RBFOX1: variants seen among roughly 807,000 people sequenced by gnomAD.
RBFOX1 encodes RNA binding protein fox-1 homolog 1.
A neutral mutation model predicts 57.7 loss-of-function variants in RBFOX1; 8 were observed. That is an observed-to-expected ratio of 0.14 (90% CI 0.08 to 0.25). The LOEUF (loss-of-function observed/expected upper bound fraction) is 0.25, where lower values mean the gene tolerates loss of function less well. RBFOX1 is among the 10% of genes least tolerant of loss of function. RBFOX1 has a pLI of 1.00. For synonymous variants in RBFOX1, 326 were observed against 222.4 expected, an observed-to-expected ratio of 1.47 and a Z score of -4.15; for missense variants, 611 against 548.5, an observed-to-expected ratio of 1.11 and a Z score of -1.14.
intron 2 of RBFOX1, among the ~76,000 whole-genome samples, chr16:6,604,149 T>C (rs1168593832): frequency 6.6e-6 from 1 of 151,990 alleles, no homozygotes. Context: ...TCCCCTCGCC[T>C]TGGCAGTCCA....
chr16:7,364,575 C>CAAAAAAAAAAAAAAAA (rs1183081362), intron 4 of RBFOX1, among the ~76,000 whole-genome samples: 1 of 52,504 alleles, frequency 1.9e-5, no homozygotes, highest in Non-Finnish European at 4.1e-5. Context: ...TCAAGAAGAC[C>CAAAAAAAAAAAAAAAA]AAAAAAAAAA....
At chr16:7,480,390 A>C (rs2151196965) in intron 4 of RBFOX1, among the ~76,000 whole-genome samples, 1 of 152,336 alleles carries the variant, frequency 6.6e-6, no homozygotes, top group African/African-American at 2.4e-5. Flanking sequence ...GATAACACCT[A>C]GTATATAGTA....
intron 2 of RBFOX1, among the ~76,000 whole-genome samples, chr16:6,421,572 A>G (rs1314865369): frequency 6.6e-6 from 1 of 152,200 alleles, no homozygotes; most frequent in Non-Finnish European, 1.5e-5. Flanking sequence ...AGGTGGCTCA[A>G]ATATATTTTG....
intron 4 of RBFOX1, among the ~76,000 whole-genome samples, chr16:7,379,309 T>G (rs565929516): frequency 3.3e-5 from 5 of 152,314 alleles, no homozygotes; most frequent in Admixed American, 3.3e-4. Context: ...AGTATCTTAT[T>G]TTTAGACTGT....
At chr16:5,835,847 C>T (rs186015453) in intron 3 of RBFOX1, among the ~76,000 whole-genome samples, 1 of 152,284 alleles carries the variant, frequency 6.6e-6, no homozygotes, top group African/African-American at 2.4e-5. Flanking sequence ...AGGAACCATG[C>T]CCACAGGCCT....
chr16:5,293,885 G>A (rs1415777674), intron 1 of RBFOX1, among the ~76,000 whole-genome samples: 2 of 152,166 alleles, frequency 1.3e-5, no homozygotes, highest in African/African-American at 4.8e-5. Context: ...TAATGATACT[G>A]AAGTGTATGC....
chr16:5,978,202 T>A (rs1230181960), intron 4 of RBFOX1, among the ~76,000 whole-genome samples: 1 of 111,922 alleles, frequency 8.9e-6, no homozygotes, highest in Non-Finnish European at 1.8e-5. Flanking sequence ...TATTCCCAAA[T>A]ACTCAGGAGG....
chr16:6,493,460 G>C (rs117639558), intron 2 of RBFOX1, among the ~76,000 whole-genome samples: 15 of 152,068 alleles, frequency 9.9e-5, no homozygotes, highest in African/African-American at 9.7e-5. Flanking sequence ...GTCAGGGACC[G>C]TAGGCTGCTA....
At chr16:6,369,124 G>A (rs547249787) in intron 2 of RBFOX1, among the ~76,000 whole-genome samples, 2 of 152,252 alleles carry the variant, frequency 1.3e-5, no homozygotes, top group East Asian at 1.9e-4. Flanking sequence ...ATGTTTGTCA[G>A]GGATAACTAA....
intron 3 of RBFOX1, among the ~76,000 whole-genome samples, chr16:6,693,245 CCAT>C (rs1355313615): frequency 6.6e-6 from 1 of 151,630 alleles, no homozygotes; most frequent in Admixed American, 6.6e-5. Flanking sequence ...ACCATCACCA[CCAT>C]CATCATCATC....
chr16:6,915,572 A>G (rs2072941059), intron 3 of RBFOX1, among the ~76,000 whole-genome samples: 1 of 137,142 alleles, frequency 7.3e-6, no homozygotes, highest in African/African-American at 2.8e-5. Flanking sequence ...TTTTTTTGAC[A>G]CAGTGTCTTG....
At chr16:5,581,695 C>T (rs778047685) in intron 2 of RBFOX1, among the ~76,000 whole-genome samples, 3 of 152,116 alleles carry the variant, frequency 2.0e-5, no homozygotes, top group Admixed American at 2.0e-4. Context: ...ACTCTCCAAG[C>T]CAGGGTGACA....
intron 4 of RBFOX1, chr16:7,510,159 C>T (rs1245129161): frequency 4.1e-6 from 4 of 985,536 alleles, no homozygotes; most frequent in East Asian, 1.1e-4. Flanking sequence ...GGCCTCAGCC[C>T]CCCACCTTCC....
chr16:7,676,719 A>C (rs2073381691), intron 13 of RBFOX1, 55 bp from the exon 14 acceptor site: 17 of 1,459,714 alleles, frequency 1.2e-5, no homozygotes, highest in Non-Finnish European at 1.6e-5. Context: ...GCCACTGGGC[A>C]TCCCTGCATT....
At chr16:7,256,585 C>T (rs749163588) in intron 4 of RBFOX1, among the ~76,000 whole-genome samples, 11 of 152,144 alleles carry the variant, frequency 7.2e-5, no homozygotes, top group Non-Finnish European at 1.5e-4. Flanking sequence ...ACTGTGTGTG[C>T]GTTGATGTAT....
intron 3 of RBFOX1, among the ~76,000 whole-genome samples, chr16:6,832,380 G>A (rs979251831): frequency 6.6e-6 from 1 of 152,176 alleles, no homozygotes; most frequent in African/African-American, 2.4e-5. Flanking sequence ...GGTAGTGGAT[G>A]ATTTCCCCAG....
At chr16:7,469,737 G>A (rs867119802) in intron 4 of RBFOX1, among the ~76,000 whole-genome samples, 1 of 152,034 alleles carries the variant, frequency 6.6e-6, no homozygotes, top group African/African-American at 2.4e-5. Flanking sequence ...CAATTCAGTA[G>A]CATTAAGTAT....
At chr16:6,819,438 C>T (rs776550847) in intron 3 of RBFOX1, among the ~76,000 whole-genome samples, 1 of 152,050 alleles carries the variant, frequency 6.6e-6, no homozygotes, top group Non-Finnish European at 1.5e-5. Flanking sequence ...GTAGGCCGGG[C>T]ATGGTGGCTG....
chr16:6,748,850 A>T (rs933075474), intron 3 of RBFOX1: 5 of 152,218 alleles, frequency 3.3e-5, no homozygotes, highest in African/African-American at 1.2e-4. Flanking sequence ...CTAGAATTTC[A>T]GCAATGAGCA....
Sources: gnomAD v4.1 joint callset for allele counts (sites outside exome capture counted in the v4.1 genomes callset) on GRCh38, gnomAD v4.1.1 for gene constraint, MANE v1.5 for transcripts, NCBI Gene and HGNC (gene_info 2026-07-23, HGNC 2026-07-21) for gene names.